Variants in AFAP1 observed in about 807,000 individuals in gnomAD.
AFAP1 encodes actin filament-associated protein 1.
In AFAP1, 75 loss-of-function variants were observed where a neutral mutation model predicts 93.9. That is an observed-to-expected ratio of 0.80 (90% CI 0.66 to 0.97). AFAP1 has a LOEUF of 0.97. Ranked by LOEUF, AFAP1 falls within the 50% of genes least tolerant of loss-of-function variation. The pLI, the probability that AFAP1 is intolerant of heterozygous loss-of-function variation, is 0.00. For missense variants in AFAP1, 1,201 were observed against 1,050.8 expected, an observed-to-expected ratio of 1.14 and a Z score of -1.98; for synonymous variants, 517 against 430.7, an observed-to-expected ratio of 1.20 and a Z score of -2.48.
chr4:7,926,247 C>A (rs1157823246), intron 1 of AFAP1, among the ~76,000 whole-genome samples: 4 of 152,182 alleles, frequency 2.6e-5, no homozygotes, highest in African/African-American at 9.7e-5. Flanking sequence ...CCTACACTAC[C>A]CCACAGTTCT....
chr4:7,820,955 C>G (rs12512881), intron 6 of AFAP1, among the ~76,000 whole-genome samples: 3 of 151,902 alleles, frequency 2.0e-5, no homozygotes, highest in African/African-American at 4.8e-5. Context: ...CCCATCTCTA[C>G]TAAAAATACA....
rs1713950275 is a variant in AFAP1 at position 7,762,459 on chromosome 4, T to G, written c.*1306A>C. ...TTATTTCGTCATAAGTGACTGCATC[T>G]TCCCGTACTGGAGAATTCCTGACAG... On this transcript the variant is annotated 3_prime_UTR_variant, in exon 18 of 18. Coordinates refer to ENST00000420658, the MANE Select transcript of AFAP1 (RefSeq NM_001134647.2). 1 of 152,226 alleles carries G rather than the reference T, an allele frequency of 6.6e-6. No individual in the cohort carries two copies. Among genetic ancestry groups the G allele is most frequent in the Non-Finnish European group, 1.5e-5 (1 of 68,034 alleles). 9.4% of individuals were successfully genotyped at this position (152,226 alleles called of 1,614,324 possible). A position where few individuals can be genotyped will look rare whatever the true frequency, so the allele number is the denominator to read the frequency against.
At chr4:7,820,798 T>A (rs977426913) in intron 6 of AFAP1, among the ~76,000 whole-genome samples, 4 of 152,158 alleles carry the variant, frequency 2.6e-5, no homozygotes, top group African/African-American at 9.7e-5. Flanking sequence ...ACATCCTGTC[T>A]GACAGAGTCC....
intron 4 of AFAP1, among the ~76,000 whole-genome samples, chr4:7,852,349 G>A (rs1714536007): frequency 6.6e-6 from 1 of 152,144 alleles, no homozygotes; most frequent in African/African-American, 2.4e-5. Context: ...TCATTAAACT[G>A]GAAGCAGAAG....
intron 1 of AFAP1, among the ~76,000 whole-genome samples, chr4:7,929,629 C>T (rs574899154): frequency 1.3e-5 from 2 of 152,334 alleles, no homozygotes; most frequent in South Asian, 4.1e-4. Context: ...CTATCTGCAC[C>T]TCTGGAGCCA....
Position 7,922,706 on chromosome 4 carries a change from G to A in AFAP1, c.-3+16950C>T, listed in dbSNP as rs114723787. Among the ~76,000 whole-genome samples, 354 of 152,312 alleles carry A rather than the reference G, an allele frequency of 2.3e-3. 2 individuals are homozygous for A. The highest frequency in any genetic ancestry group is 8.0e-3 in the African/African-American group (334 of 41,576). Reference sequence around the variant, plus strand: ...CTTAACAATGAAAAATCACTGGGCCGGGTGCGGCGGCTCATGCCTGTAATC... The same window carrying A: ...CTTAACAATGAAAAATCACTGGGCCAGGTGCGGCGGCTCATGCCTGTAATC... On this transcript the variant is annotated intron_variant, in intron 1 of 17. Coordinates refer to ENST00000420658, the MANE Select transcript of AFAP1 (RefSeq NM_001134647.2).
intron 4 of AFAP1, among the ~76,000 whole-genome samples, chr4:7,847,512 G>GT (rs1333529390): frequency 6.6e-4 from 101 of 152,340 alleles, no homozygotes; most frequent in Non-Finnish European, 2.9e-5. Flanking sequence ...TCTCTGGAAA[G>GT]TATGCTTAGT....
At chr4:7,867,412 C>T (rs1470201885) in intron 3 of AFAP1, among the ~76,000 whole-genome samples, 1 of 151,982 alleles carries the variant, frequency 6.6e-6, no homozygotes, top group Non-Finnish European at 1.5e-5. Context: ...GGGCGGGAAG[C>T]AGGCGGCCTT....
intron 11 of AFAP1, among the ~76,000 whole-genome samples, chr4:7,792,071 T>A (rs1717911854): frequency 6.6e-6 from 1 of 152,134 alleles, no homozygotes; most frequent in Non-Finnish European, 1.5e-5. Flanking sequence ...CTCTTTTGGT[T>A]GAAGTATGTG....
At chr4:7,812,521 G>C (rs1481236680) in intron 8 of AFAP1, among the ~76,000 whole-genome samples, 1 of 152,142 alleles carries the variant, frequency 6.6e-6, no homozygotes, top group Non-Finnish European at 1.5e-5. Flanking sequence ...AAACCATCGA[G>C]AACAACTTGA....
chr4:7,819,777 G>A (rs1033216320), intron 6 of AFAP1, among the ~76,000 whole-genome samples: 3 of 152,198 alleles, frequency 2.0e-5, no homozygotes, highest in African/African-American at 7.2e-5. Flanking sequence ...GACCCTAGGA[G>A]CATTTCAAGG....
At chr4:7,923,427 C>T (rs1406873913) in intron 1 of AFAP1, among the ~76,000 whole-genome samples, 2 of 152,196 alleles carry the variant, frequency 1.3e-5, no homozygotes, top group African/African-American at 2.4e-5. Flanking sequence ...GGCTTGCAGA[C>T]AGCCACCTTT....
intron 10 of AFAP1, among the ~76,000 whole-genome samples, chr4:7,795,405 CTTTTTTTTTTTTTTTTTTTT>C (rs35550085): frequency 5.6e-4 from 35 of 62,098 alleles, no homozygotes; most frequent in South Asian, 4.4e-3. Context: ...AAAACAAAAT[CTTTTTTTTTTTTTTTTTTTT>C]TTTTTTTTTT....
intron 10 of AFAP1, chr4:7,799,158 C>CA: frequency 1.1e-6 from 1 of 902,788 alleles, no homozygotes; most frequent in South Asian, 5.1e-5. Flanking sequence ...TCAGGGTCTG[C>CA]ACAGAGCTGA....
intron 4 of AFAP1, among the ~76,000 whole-genome samples, chr4:7,847,047 T>C (rs1275303512): frequency 2.0e-5 from 3 of 152,200 alleles, no homozygotes; most frequent in African/African-American, 4.8e-5. Flanking sequence ...TCTAAGAGTG[T>C]AGAAATGACA....
At chr4:7,804,607 G>A (rs531676657) in intron 9 of AFAP1, among the ~76,000 whole-genome samples, 11 of 152,306 alleles carry the variant, frequency 7.2e-5, no homozygotes, top group East Asian at 1.9e-4. Flanking sequence ...TCTCAGTGCC[G>A]GGTGGCTCTC....
chr4:7,773,145 G>C (rs1715677190), intron 15 of AFAP1, 135 bp from the exon 16 acceptor site: 1 of 1,365,828 alleles, frequency 7.3e-7, no homozygotes, highest in Admixed American at 2.8e-5. Flanking sequence ...TCCTCGTTGT[G>C]AAACTTAAAT....
intron 2 of AFAP1, among the ~76,000 whole-genome samples, chr4:7,870,088 C>A (rs1196013682): frequency 6.6e-6 from 1 of 152,206 alleles, no homozygotes; most frequent in Non-Finnish European, 1.5e-5. Context: ...CCGTCTCATT[C>A]AATCCTCACA....
chr4:7,802,022 T>G (rs2149034083), intron 9 of AFAP1, among the ~76,000 whole-genome samples: 1 of 144,310 alleles, frequency 6.9e-6, no homozygotes, highest in Middle Eastern at 3.4e-3. Flanking sequence ...TTACACACCT[T>G]ATTAGCAATT....
Sources: allele counts gnomAD v4.1 joint callset (sites outside exome capture counted in the v4.1 genomes callset), GRCh38; gene constraint gnomAD v4.1.1; transcripts MANE v1.5; gene names NCBI Gene and HGNC (gene_info 2026-07-23, HGNC 2026-07-21).